The following TRIP10 variants were observed in gnomAD, a reference collection of about 807,000 sequenced individuals.
TRIP10 encodes the protein cdc42-interacting protein 4.
In TRIP10, 54 loss-of-function variants were observed where a neutral mutation model predicts 80.9. That is an observed-to-expected ratio of 0.67 (90% CI 0.54 to 0.84). TRIP10 has a LOEUF of 0.84. Among genes scored for constraint, TRIP10 ranks in the 40% least tolerant of loss-of-function variants. TRIP10 has a pLI of 0.00. For synonymous variants in TRIP10, 321 were observed against 307.2 expected (o/e 1.04, Z -0.47); for missense variants, 773 against 815.3 (o/e 0.95, Z 0.63).
chr19:6,747,575 G>A (rs376401024), intron 11 of TRIP10, among the ~76,000 whole-genome samples: 11 of 151,736 alleles, frequency 7.2e-5, no homozygotes, highest in African/African-American at 1.7e-4. Context: ...GGCAGATCAC[G>A]TGAGGTCAGG....
Position 6,745,031 on chromosome 19 carries a change from G to A in TRIP10, c.984+37G>A, listed in dbSNP as rs748720619. On this transcript the variant is annotated intron_variant, in intron 9 of 14. Coordinates refer to ENST00000313244, the MANE Select transcript of TRIP10 (RefSeq NM_001288962.2). The surrounding 1 kb of genome is among the most constrained non-coding windows in gnomAD (Gnocchi z 7.2). ...GACCCTTGGGATGGTGGGGGAGAAGGACAGTGAAGTGGGGACAGTGGGGCC... is the reference window on the plus strand; with the variant it reads ...GACCCTTGGGATGGTGGGGGAGAAGAACAGTGAAGTGGGGACAGTGGGGCC... 7.6e-5 allele frequency: 121 copies of A among 1,600,176 alleles called. No homozygotes were observed. In the Admixed American group the frequency reaches 2.0e-3, roughly 27 times the overall value.
At chr19:6,742,156 T>C (rs138611734) in intron 3 of TRIP10, among the ~76,000 whole-genome samples, 63 of 147,944 alleles carry the variant, frequency 4.3e-4, no homozygotes, top group African/African-American at 1.3e-3. Context: ...ATTGGGAGGG[T>C]GCGCAGGTGG....
chr19:6,741,109 T>TA lies in TRIP10; in HGVS notation c.125dup (p.Tyr42Ter). ...AGAACGCACCGAAGTGGAACAGGCT[T>TA]ACGCCAAACAACTGCGGTGAGACCC... Reference protein sequence around the residue: ...VKERTEVEQAYAKQLRSLVKK... With the variant: ...VKERTEVEQA The change falls in exon 2 of 15, where the codon TAC (tyrosine) becomes TAAC (stop). Residue 42 changes from tyrosine (Y) to a stop codon, truncating the protein, a stop_gained and frameshift_variant. Coordinates refer to ENST00000313244, the MANE Select transcript of TRIP10 (RefSeq NM_001288962.2). LOFTEE classifies it high-confidence loss of function. 1 of 1,614,190 alleles carries TA rather than the reference T, an allele frequency of 6.2e-7. No individual in the cohort carries two copies. Among genetic ancestry groups the TA allele is most frequent in the Non-Finnish European group, 8.5e-7 (1 of 1,180,020 alleles).
rs1969059892 is a variant in TRIP10 at position 6,744,928 on chromosome 19, A to G, written c.918A>G (p.Gly306=). The change falls in exon 9 of 15, where the codon GGA becomes GGG. Residue 306 remains glycine, a synonymous_variant. Transcript: ENST00000313244. This position sits in a 1 kb window ranked among gnomAD's most constrained non-coding sequence, Gnocchi z 4.9. The part of the protein sequence containing the change: ...SDSSLGTPSD[G]RPELRGPGRS... The stretch of plus-strand genomic sequence containing the variant: ...GCAGTCTGGGCACCCCCTCGGATGG[A>G]CGGCCTGAACTCCGAGGCCCGGGTC... The G allele has an allele frequency of 1.2e-6, 2 of 1,614,106 alleles. No individual in the cohort carries two copies. The highest frequency in any genetic ancestry group is 8.5e-7 in the Non-Finnish European group (1 of 1,180,016).
At position 6,745,958 on chromosome 19, in the gene TRIP10, C is replaced by A; in HGVS notation, c.985-71C>A. The A allele has an allele frequency of 8.3e-7, 1 of 1,207,682 alleles. No individual in the cohort carries two copies. Among genetic ancestry groups the A allele is most frequent in the Non-Finnish European group, 1.1e-6 (1 of 942,644 alleles). The allele number at this position is 1,207,682 out of a possible 1,614,324, so 74.8% of individuals were successfully genotyped here. ...TGCGTCCATCCCTCCGTCCATTCGT[C>A]CTCACTCTCTACATCCTCCTATGCC... On this transcript the variant is annotated intron_variant, in intron 9 of 14. Transcript: ENST00000313244. This position sits in a 1 kb window ranked among gnomAD's most constrained non-coding sequence, Gnocchi z 7.2.
Position 6,744,691 on chromosome 19 carries a change from T to A in TRIP10, c.780T>A (p.Asp260Glu), listed in dbSNP as rs754300305. 3.1e-6 allele frequency: 5 copies of A among 1,601,356 alleles called. No individual in the cohort carries two copies. In the South Asian group the frequency reaches 4.5e-5, roughly 14 times the overall value. ...EGMKVAANAVDPKNDSHVLIE... is the reference protein window; with the variant it reads ...EGMKVAANAVEPKNDSHVLIE... ...TGAAGGTGGCTGCAAATGCTGTGGA[T>A]CCCAAGAACGTGGGTGCCTGGTCTG... The change falls in exon 8 of 15, where the codon GAT becomes GAA. Residue 260 changes from aspartate to glutamate, a missense_variant. Asp to Glu is a conservative substitution (Grantham distance 45). Transcript: ENST00000313244. This position sits in a 1 kb window ranked among gnomAD's most constrained non-coding sequence, Gnocchi z 4.9.
chr19:6,743,624 GGT>G, intron 6 of TRIP10, 26 bp downstream of exon 6: 2 of 1,322,916 alleles, frequency 1.5e-6, no homozygotes, highest in Non-Finnish European at 2.1e-6. Context: ...GCGGGGGGGG[GGT>G]GCGGGGTCTG....
chr19:6,739,715 CG>C lies in TRIP10; in HGVS notation c.-43del. On this transcript the variant is annotated 5_prime_UTR_variant, in exon 1 of 15. Coordinates refer to ENST00000313244, the MANE Select transcript of TRIP10 (RefSeq NM_001288962.2). Reference sequence around the variant, plus strand: ...GGGGAGGGCGGCGGGCGGCGGGCGGCGGGGACCGGGTGCGGTGGTGGCTGCG... The same window carrying C: ...GGGGAGGGCGGCGGGCGGCGGGCGGCGGGACCGGGTGCGGTGGTGGCTGCG... 1.8e-6 allele frequency: 2 copies of C among 1,127,414 alleles called. No individual in the cohort carries two copies. Among genetic ancestry groups the C allele is most frequent in the South Asian group, 3.2e-5 (1 of 31,600 alleles). 69.8% of individuals were successfully genotyped at this position (1,127,414 alleles called of 1,614,324 possible). A position where few individuals can be genotyped will look rare whatever the true frequency, so the allele number is the denominator to read the frequency against.
rs576190416 is a variant in TRIP10, at chr19:6,742,904, G to A, written c.198-63G>A. On this transcript the variant is annotated intron_variant, in intron 3 of 14. Coordinates refer to ENST00000313244, the MANE Select transcript of TRIP10 (RefSeq NM_001288962.2). The stretch of plus-strand genomic sequence containing the variant: ...TTTTCCACCTGGAGGTGCGTCCTGG[G>A]GCATCAGCCTGCTCGGGAGGAGGGG... The A allele has an allele frequency of 1.9e-6, 3 of 1,591,484 alleles. No homozygotes were observed. The African/African-American group carries it at 4.0e-5, about 21-fold the overall frequency.
intron 12 of TRIP10, 99 bp from the exon 13 acceptor site, chr19:6,750,193 C>T (rs339402): frequency 0.18 from 284,571 of 1,578,200 alleles, 26,770 homozygotes; most frequent in African/African-American, 0.29. Flanking sequence ...TCCATCACAG[C>T]CTTGGCTGTG....
intron 14 of TRIP10, 27 bp downstream of exon 14, chr19:6,750,660 G>A (rs747430587): frequency 3.0e-5 from 48 of 1,612,376 alleles, no homozygotes; most frequent in African/African-American, 5.3e-5. Context: ...TGGGCTTGGC[G>A]GGGTATGGGA....
At chr19:6,740,861 C>G in intron 1 of TRIP10, 149 bp from the exon 2 acceptor site, 2 of 643,020 alleles carry the variant, frequency 3.1e-6, no homozygotes, top group East Asian at 2.8e-5. Context: ...CTGCCTCCCC[C>G]CGCGCCACGC....
At chr19:6,742,569 G>A (rs1381155457) in intron 3 of TRIP10, among the ~76,000 whole-genome samples, 1 of 152,034 alleles carries the variant, frequency 6.6e-6, no homozygotes, top group African/African-American at 2.4e-5. Flanking sequence ...CTTTGGGAGG[G>A]TGAGGCGGGA....
At position 6,750,511 on chromosome 19, in the gene TRIP10, G is replaced by A; in HGVS notation, c.1536-1G>A. On this transcript the variant is annotated splice_acceptor_variant, in intron 13 of 14. Coordinates refer to ENST00000313244, the MANE Select transcript of TRIP10 (RefSeq NM_001288962.2). LOFTEE classifies it high-confidence loss of function. ...TTATCTGCCGAATTATCCCCAAACAGCTCTGAAGAGCCTCCCTCAGAAGAG... is the reference window on the plus strand; with the variant it reads ...TTATCTGCCGAATTATCCCCAAACAACTCTGAAGAGCCTCCCTCAGAAGAG... 1 of 1,614,136 alleles carries A rather than the reference G, an allele frequency of 6.2e-7. No individual in the cohort carries two copies. Among genetic ancestry groups the A allele is most frequent in the South Asian group, 1.1e-5 (1 of 91,074 alleles).
chr19:6,747,351 C>T (rs1228414656), intron 11 of TRIP10, among the ~76,000 whole-genome samples: 1 of 152,078 alleles, frequency 6.6e-6, no homozygotes, highest in East Asian at 1.9e-4. Flanking sequence ...ACAGTTACTT[C>T]TTGTCTTATA....
rs973813934 is a variant in TRIP10 at position 6,744,585 on chromosome 19, C to A, written c.674C>A (p.Thr225Asn). The change falls in exon 8 of 15, where the codon ACC (threonine) becomes AAC (asparagine). Residue 225 changes from threonine to asparagine, a missense_variant. Thr to Asn is a moderately conservative substitution (Grantham distance 65). Transcript: ENST00000313244. This position sits in a 1 kb window ranked among gnomAD's most constrained non-coding sequence, Gnocchi z 4.9. ...KLQDMDERRA[T>N]RLGAGYGLLS... ...CAAGACATGGATGAACGCAGGGCCACCCGCCTGGGTGCCGGGTATGGGCTC... is the reference window on the plus strand; with the variant it reads ...CAAGACATGGATGAACGCAGGGCCAACCGCCTGGGTGCCGGGTATGGGCTC... 1.2e-6 allele frequency: 2 copies of A among 1,614,210 alleles called. No individual in the cohort carries two copies. Among genetic ancestry groups the A allele is most frequent in the African/African-American group, 2.7e-5 (2 of 75,078 alleles).
chr19:6,739,680 G>A lies in TRIP10; in HGVS notation c.-82G>A. 8.5e-7 allele frequency: 1 copy of A among 1,181,786 alleles called. No individual in the cohort carries two copies. The highest frequency in any genetic ancestry group is 1.1e-6 in the Non-Finnish European group (1 of 951,090). 73.2% of individuals were successfully genotyped at this position (1,181,786 alleles called of 1,614,324 possible). On this transcript the variant is annotated 5_prime_UTR_variant, in exon 1 of 15. Coordinates refer to ENST00000313244, the MANE Select transcript of TRIP10 (RefSeq NM_001288962.2). ...GGGGCCAGGCGCACCGCCCTCGGCTGAGTCTCCCCGGGGAGGGCGGCGGGC... is the reference window on the plus strand; with the variant it reads ...GGGGCCAGGCGCACCGCCCTCGGCTAAGTCTCCCCGGGGAGGGCGGCGGGC...
chr19:6,744,341 C>T lies in TRIP10; in HGVS notation c.643-213C>T, dbSNP rs963665151. 1.4e-4 allele frequency among the ~76,000 whole-genome samples: 22 copies of T among 152,276 alleles called. No homozygotes were observed. Among genetic ancestry groups the T allele is most frequent in the Admixed American group, 1.4e-3 (22 of 15,288 alleles). On this transcript the variant is annotated intron_variant, in intron 7 of 14. Coordinates refer to ENST00000313244, the MANE Select transcript of TRIP10 (RefSeq NM_001288962.2). This position sits in a 1 kb window ranked among gnomAD's most constrained non-coding sequence, Gnocchi z 4.9. ...TCCTTTGAGAAGCCTTTGCTGACCCCCTAGGCACGCGTCCCCCTCTGAGAT... is the reference window on the plus strand; with the variant it reads ...TCCTTTGAGAAGCCTTTGCTGACCCTCTAGGCACGCGTCCCCCTCTGAGAT...
chr19:6,749,692 T>C (rs1181013493), intron 11 of TRIP10, among the ~76,000 whole-genome samples: 1 of 151,884 alleles, frequency 6.6e-6, no homozygotes, highest in Admixed American at 6.6e-5. Context: ...TACTAAAAAT[T>C]TTTGAAAAAT....
Sources: allele counts gnomAD v4.1 joint callset (sites outside exome capture counted in the v4.1 genomes callset), GRCh38; gene constraint gnomAD v4.1.1; non-coding constraint Gnocchi (gnomAD v3.1); transcripts MANE v1.5; gene names NCBI Gene and HGNC (gene_info 2026-07-23, HGNC 2026-07-21).